TRAF3IP2: variants seen among roughly 807,000 people sequenced by gnomAD.
The protein encoded by TRAF3IP2 is E3 ubiquitin ligase TRAF3IP2.
A neutral mutation model predicts 57.9 loss-of-function variants in TRAF3IP2; 35 were observed. The observed-to-expected ratio is 0.60, with a 90% confidence interval of 0.46 to 0.80. The LOEUF (loss-of-function observed/expected upper bound fraction) is 0.80, where lower values mean the gene tolerates loss of function less well. Among genes scored for constraint, TRAF3IP2 ranks in the 30% least tolerant of loss-of-function variants. The probability of loss-of-function intolerance (pLI) is 0.00; values close to 1 mark genes in which losing one functional copy is unlikely to be tolerated. For synonymous variants in TRAF3IP2, 251 were observed against 268.9 expected, an observed-to-expected ratio of 0.93 and a Z score of 0.65; for missense variants, 556 against 706.4, an observed-to-expected ratio of 0.79 and a Z score of 2.41.
intron 1 of TRAF3IP2, chr6:111,601,471 C>G: frequency 2.6e-6 from 1 of 387,702 alleles, no homozygotes; most frequent in Non-Finnish European, 4.7e-6. Flanking sequence ...GGGGACAACT[C>G]TAAGGCAAGG....
intron 2 of TRAF3IP2, among the ~76,000 whole-genome samples, chr6:111,583,173 T>C (rs180683217): frequency 5.4e-4 from 82 of 152,288 alleles, no homozygotes; most frequent in South Asian, 2.9e-3. Context: ...CCACCATGTC[T>C]CCAAGGATAG....
intron 1 of TRAF3IP2, among the ~76,000 whole-genome samples, chr6:111,603,206 C>A (rs547397982): frequency 6.6e-6 from 1 of 152,100 alleles, no homozygotes; most frequent in Non-Finnish European, 1.5e-5. Context: ...AGGCAAAGAC[C>A]ATAAGTGGGA....
chr6:111,565,741 T>C (rs933869731), intron 7 of TRAF3IP2, among the ~76,000 whole-genome samples: 1 of 152,238 alleles, frequency 6.6e-6, no homozygotes, highest in Non-Finnish European at 1.5e-5. Flanking sequence ...TGGACAAGTT[T>C]AATATCCTAA....
At chr6:111,590,906 A>G (rs1167604702) in intron 2 of TRAF3IP2, among the ~76,000 whole-genome samples, 1 of 152,166 alleles carries the variant, frequency 6.6e-6, no homozygotes, top group Non-Finnish European at 1.5e-5. Context: ...AGAAGGAAGA[A>G]CCCATATGCC....
chr6:111,578,336 T>C (rs9487671), intron 3 of TRAF3IP2, among the ~76,000 whole-genome samples: 12,155 of 152,200 alleles, frequency 0.08, 752 homozygotes, highest in African/African-American at 0.17. Context: ...CATGTATTTA[T>C]GGTTTAGAAA....
At chr6:111,567,070 G>T in intron 6 of TRAF3IP2, 1 of 534,158 alleles carries the variant, frequency 1.9e-6, no homozygotes, top group Non-Finnish European at 2.4e-6. Flanking sequence ...TGAGACTCCC[G>T]TCCCCCACTG....
rs73764010 is a variant in TRAF3IP2 at position 111,582,860 on chromosome 6, T to C, written c.830-2471A>G. ...ACTGGCCCACTAAGCTCTGGCTTCA[T>C]TTTGAATATCCCAAACTTGTCCTCT... On this transcript the variant is annotated intron_variant, in intron 2 of 8. Transcript: ENST00000368761. 5.9e-3 allele frequency among the ~76,000 whole-genome samples: 892 copies of C among 152,282 alleles called. 12 individuals carry two copies. Among genetic ancestry groups the C allele is most frequent in the African/African-American group, 0.02 (822 of 41,546 alleles).
Position 111,556,765 on chromosome 6 carries a change from T to C in TRAF3IP2, c.*2640A>G, listed in dbSNP as rs926546552. 2 of 152,242 alleles carry C rather than the reference T, an allele frequency of 1.3e-5. No homozygotes were observed. The highest frequency in any genetic ancestry group is 2.9e-5 in the Non-Finnish European group (2 of 68,038). 9.4% of individuals were successfully genotyped at this position (152,242 alleles called of 1,614,324 possible). On this transcript the variant is annotated 3_prime_UTR_variant, in exon 9 of 9. Coordinates refer to ENST00000368761, the MANE Select transcript of TRAF3IP2 (RefSeq NM_147686.4). Reference sequence around the variant, plus strand: ...TAAAGTAAATGAAACTAGTGTTCTTTGCAATGCATTAGCAATGTTTCTTAT... The same window carrying C: ...TAAAGTAAATGAAACTAGTGTTCTTCGCAATGCATTAGCAATGTTTCTTAT...
chr6:111,571,571 T>C (rs1210922741), intron 5 of TRAF3IP2, among the ~76,000 whole-genome samples: 4 of 152,228 alleles, frequency 2.6e-5, no homozygotes, highest in Non-Finnish European at 4.4e-5. Flanking sequence ...TATATAATTA[T>C]GGAGTTGGAT....
Position 111,583,956 on chromosome 6 carries a change from C to T in TRAF3IP2, c.830-3567G>A, listed in dbSNP as rs150435451. On this transcript the variant is annotated intron_variant, in intron 2 of 8. Coordinates refer to ENST00000368761, the MANE Select transcript of TRAF3IP2 (RefSeq NM_147686.4). ...AAAGAGGAGAAACTTTGCCAGTGGCCTTAAAAGCCTTTATGAGGAAAAAGC... is the reference window on the plus strand; with the variant it reads ...AAAGAGGAGAAACTTTGCCAGTGGCTTTAAAAGCCTTTATGAGGAAAAAGC... 2.8e-3 allele frequency among the ~76,000 whole-genome samples: 431 copies of T among 152,266 alleles called. 2 individuals carry two copies. Among genetic ancestry groups the T allele is most frequent in the African/African-American group, 7.8e-3 (324 of 41,546 alleles).
chr6:111,563,788 G>A (rs1376145245), intron 7 of TRAF3IP2, among the ~76,000 whole-genome samples: 1 of 152,230 alleles, frequency 6.6e-6, no homozygotes, highest in African/African-American at 2.4e-5. Context: ...TTGGCAGAGA[G>A]GGGATGTCAA....
Position 111,578,045 on chromosome 6 carries a change from C to A in TRAF3IP2, c.1022+2152G>T, listed in dbSNP as rs539518844. Among the ~76,000 whole-genome samples the A allele has an allele frequency of 7.9e-5, 12 of 152,164 alleles. No homozygotes were observed. In the South Asian group the frequency reaches 2.5e-3, roughly 32 times the overall value. On this transcript the variant is annotated intron_variant, in intron 3 of 8. Transcript: ENST00000368761. ...TCTACCTGAACTTATTTTTCATTATCCTAAAGTGATAAAATAGATCAAGAA... is the reference window on the plus strand; with the variant it reads ...TCTACCTGAACTTATTTTTCATTATACTAAAGTGATAAAATAGATCAAGAA...
chr6:111,588,515 G>A (rs973447632), intron 2 of TRAF3IP2, among the ~76,000 whole-genome samples: 2 of 152,192 alleles, frequency 1.3e-5, no homozygotes, highest in Non-Finnish European at 2.9e-5. Context: ...AACAGGAAAA[G>A]TATTTTCCGT....
At chr6:111,569,561 G>A (rs768525380) in intron 5 of TRAF3IP2, among the ~76,000 whole-genome samples, 6 of 152,040 alleles carry the variant, frequency 3.9e-5, no homozygotes, top group Non-Finnish European at 8.8e-5. Flanking sequence ...AGACCAGCCT[G>A]GCAAACATGG....
At position 111,571,778 on chromosome 6, in the gene TRAF3IP2, A is replaced by C. The variant is rs562359648; in HGVS notation, c.1290+1117T>G. 1.8e-3 allele frequency among the ~76,000 whole-genome samples: 272 copies of C among 151,908 alleles called. No individual in the cohort carries two copies. In the Middle Eastern group the frequency reaches 0.027, roughly 15 times the overall value. ...CATCTCTACTAAAAATACACACACA[A>C]AAAAATTAGCTGGGCATGGTGGTGG... On this transcript the variant is annotated intron_variant, in intron 5 of 8. Transcript: ENST00000368761.
chr6:111,561,604 C>A (rs1381000861), intron 8 of TRAF3IP2, among the ~76,000 whole-genome samples: 1 of 152,048 alleles, frequency 6.6e-6, no homozygotes, highest in Admixed American at 6.6e-5. Context: ...TGAGGGCATG[C>A]TGAAATGGTC....
Position 111,559,232 on chromosome 6 carries a change from T to C in TRAF3IP2, c.*173A>G. On this transcript the variant is annotated 3_prime_UTR_variant, in exon 9 of 9. Coordinates refer to ENST00000368761, the MANE Select transcript of TRAF3IP2 (RefSeq NM_147686.4). ...GACTCCACTTCAAAGCCAGGGTGTG[T>C]GGAGGTCTCCGGGGAAGAGCTCTGC... The C allele has an allele frequency of 1.2e-6, 1 of 806,004 alleles. No individual in the cohort carries two copies. Among genetic ancestry groups the C allele is most frequent in the Non-Finnish European group, 1.9e-6 (1 of 524,928 alleles). 49.9% of individuals were successfully genotyped at this position (806,004 alleles called of 1,614,324 possible). A position where few individuals can be genotyped will look rare whatever the true frequency, so the allele number is the denominator to read the frequency against.
intron 1 of TRAF3IP2, among the ~76,000 whole-genome samples, chr6:111,593,187 A>C (rs1796573137): frequency 6.6e-6 from 1 of 152,250 alleles, no homozygotes; most frequent in Non-Finnish European, 1.5e-5. Context: ...CAAGTGAAAA[A>C]GAAGAAATCC....
rs1216929468 is a variant in TRAF3IP2 at position 111,567,777 on chromosome 6, A to G, written c.1291-85T>C. On this transcript the variant is annotated intron_variant, in intron 5 of 8. Transcript: ENST00000368761. Reference sequence around the variant, plus strand: ...CAGAAGAAAACACAATACTATATACATTTAAAGCTCCAAAACTTAACTAAT... The same window carrying G: ...CAGAAGAAAACACAATACTATATACGTTTAAAGCTCCAAAACTTAACTAAT... 16 of 1,040,902 alleles carry G rather than the reference A, an allele frequency of 1.5e-5. No individual in the cohort carries two copies. The East Asian group carries it at 4.5e-4, about 29-fold the overall frequency. The allele number at this position is 1,040,902 out of a possible 1,614,324, so 64.5% of individuals were successfully genotyped here. A position where few individuals can be genotyped will look rare whatever the true frequency, so the allele number is the denominator to read the frequency against.
Sources: allele counts gnomAD v4.1 joint callset (sites outside exome capture counted in the v4.1 genomes callset), GRCh38; gene constraint gnomAD v4.1.1; transcripts MANE v1.5; gene names NCBI Gene and HGNC (gene_info 2026-07-23, HGNC 2026-07-21).